The following MB21D2 variants were observed in gnomAD, a reference collection of about 807,000 sequenced individuals.
The protein encoded by MB21D2 is nucleotidyltransferase MB21D2.
MB21D2 carries 9 observed loss-of-function variants against 33.3 expected under a neutral mutation model. The ratio of observed to expected loss-of-function variants is 0.27; its 90% confidence interval spans 0.16 to 0.47. MB21D2 has a LOEUF of 0.47. Among genes scored for constraint, MB21D2 ranks in the 20% least tolerant of loss-of-function variants. The pLI is 0.99. For synonymous variants in MB21D2, 241 were observed against 236.3 expected (o/e 1.02, Z -0.18); for missense variants, 540 against 624.6 (o/e 0.86, Z 1.44).
chr3:192,822,116 T>C (rs7621925), intron 1 of MB21D2, among the ~76,000 whole-genome samples: 54,947 of 150,774 alleles, frequency 0.36, 10,690 homozygotes, highest in East Asian at 0.61. Context: ...GGAGCTATTA[T>C]TCACAGCAAG....
At chr3:192,849,349 G>A (rs111626072) in intron 1 of MB21D2, among the ~76,000 whole-genome samples, 25 of 147,012 alleles carry the variant, frequency 1.7e-4, no homozygotes, top group African/African-American at 5.7e-4. Flanking sequence ...GTGGAGTCTC[G>A]CTCTGTTGCC....
chr3:192,877,668 T>C lies in MB21D2; in HGVS notation c.211+39962A>G, dbSNP rs145936153. Among the ~76,000 whole-genome samples the C allele has an allele frequency of 5.7e-3, 868 of 152,328 alleles. 7 individuals carry two copies. Among genetic ancestry groups the C allele is most frequent in the African/African-American group, 0.02 (826 of 41,572 alleles). On this transcript the variant is annotated intron_variant, in intron 1 of 1. Coordinates refer to ENST00000392452, the MANE Select transcript of MB21D2 (RefSeq NM_178496.4). ...TATTTGACATATATACTGTACAACA[T>C]GTATCTGTAGTTACTCAGCTCAAGG...
At chr3:192,872,314 C>G (rs1466992423) in intron 1 of MB21D2, among the ~76,000 whole-genome samples, 2 of 152,118 alleles carry the variant, frequency 1.3e-5, no homozygotes, top group East Asian at 3.9e-4. Context: ...CGGGGGCTCA[C>G]AACTGTAATC....
chr3:192,865,284 G>A (rs1243984033), intron 1 of MB21D2, among the ~76,000 whole-genome samples: 2 of 152,360 alleles, frequency 1.3e-5, no homozygotes, highest in East Asian at 1.9e-4. Context: ...GCTGGAAGGA[G>A]GCTCAGAGGT....
chr3:192,890,822 G>A (rs1713837329), intron 1 of MB21D2, among the ~76,000 whole-genome samples: 1 of 152,034 alleles, frequency 6.6e-6, no homozygotes, highest in Admixed American at 6.5e-5. Context: ...ATTGATATAA[G>A]ATGTACGTGC....
At chr3:192,849,622 G>A (rs62293205) in intron 1 of MB21D2, among the ~76,000 whole-genome samples, 2 of 152,056 alleles carry the variant, frequency 1.3e-5, no homozygotes, top group East Asian at 1.9e-4. Flanking sequence ...GGCTGTCACC[G>A]TCTTACTTTA....
chr3:192,816,474 T>G (rs1711927316), intron 1 of MB21D2, among the ~76,000 whole-genome samples: 1 of 152,180 alleles, frequency 6.6e-6, no homozygotes, highest in Non-Finnish European at 1.5e-5. Context: ...GGTCATGCCT[T>G]CCTAATTTTT....
At chr3:192,831,241 A>C (rs1448824766) in intron 1 of MB21D2, among the ~76,000 whole-genome samples, 5 of 152,150 alleles carry the variant, frequency 3.3e-5, no homozygotes, top group African/African-American at 1.2e-4. Context: ...GGATGAGCCG[A>C]GGCCTCCCAA....
intron 1 of MB21D2, among the ~76,000 whole-genome samples, chr3:192,840,601 T>C (rs989145095): frequency 1.3e-5 from 2 of 152,160 alleles, no homozygotes; most frequent in Non-Finnish European, 1.5e-5. Flanking sequence ...TGAGGCGCTA[T>C]GGTAGAAAGT....
chr3:192,831,814 A>G (rs894151376), intron 1 of MB21D2, among the ~76,000 whole-genome samples: 3 of 152,260 alleles, frequency 2.0e-5, no homozygotes, highest in African/African-American at 7.2e-5. Flanking sequence ...GATCAATGGA[A>G]TAACAGATGA....
At chr3:192,815,799 T>A (rs1274990517) in intron 1 of MB21D2, among the ~76,000 whole-genome samples, 1 of 152,212 alleles carries the variant, frequency 6.6e-6, no homozygotes, top group East Asian at 1.9e-4. Context: ...TTTCTGCTAT[T>A]TTTTCAGGGC....
At position 192,844,522 on chromosome 3, in the gene MB21D2, G is replaced by C. The variant is rs142903214; in HGVS notation, c.212-44872C>G. On this transcript the variant is annotated intron_variant, in intron 1 of 1. Transcript: ENST00000392452. Reference sequence around the variant, plus strand: ...CCAACTTATAAGTAAATGAGCAGATGCAAAAGCTTAAAACGTAATCCAAAG... The same window carrying C: ...CCAACTTATAAGTAAATGAGCAGATCCAAAAGCTTAAAACGTAATCCAAAG... 7.5e-3 allele frequency among the ~76,000 whole-genome samples: 1,138 copies of C among 152,292 alleles called. 12 individuals are homozygous for C. The highest frequency in any genetic ancestry group is 0.027 in the African/African-American group (1,102 of 41,566).
At chr3:192,895,970 TTC>T (rs1713963617) in intron 1 of MB21D2, among the ~76,000 whole-genome samples, 1 of 152,166 alleles carries the variant, frequency 6.6e-6, no homozygotes, top group Admixed American at 6.5e-5. Context: ...TTTATGCTAC[TTC>T]TCTTTTTACA....
intron 1 of MB21D2, among the ~76,000 whole-genome samples, chr3:192,862,189 C>A (rs1713059585): frequency 6.6e-6 from 1 of 152,218 alleles, no homozygotes; most frequent in Non-Finnish European, 1.5e-5. Flanking sequence ...CTTACCACAC[C>A]TGTTTCAACC....
chr3:192,874,040 T>C (rs1159228784), intron 1 of MB21D2, among the ~76,000 whole-genome samples: 2 of 152,156 alleles, frequency 1.3e-5, no homozygotes, highest in Admixed American at 6.5e-5. Context: ...AAAGTACTTT[T>C]AAAAATGTCT....
chr3:192,803,408 C>A (rs1023009930), intron 1 of MB21D2, among the ~76,000 whole-genome samples: 1 of 152,096 alleles, frequency 6.6e-6, no homozygotes, highest in Admixed American at 6.5e-5. Context: ...AAGAGTATTG[C>A]AGACACACAT....
intron 1 of MB21D2, among the ~76,000 whole-genome samples, chr3:192,877,320 CA>C (rs1336251582): frequency 2.0e-5 from 3 of 152,068 alleles, no homozygotes; most frequent in Non-Finnish European, 4.4e-5. Flanking sequence ...AAACCAAAAA[CA>C]AAAAAGTTCA....
At chr3:192,878,897 G>A (rs1345651653) in intron 1 of MB21D2, among the ~76,000 whole-genome samples, 1 of 152,194 alleles carries the variant, frequency 6.6e-6, no homozygotes, top group Admixed American at 6.5e-5. Context: ...CCGGGATGTG[G>A]GGTTTGCAGT....
chr3:192,904,154 T>C (rs968058426), intron 1 of MB21D2, among the ~76,000 whole-genome samples: 1 of 152,158 alleles, frequency 6.6e-6, no homozygotes, highest in Admixed American at 6.5e-5. Context: ...TTAGTGTGGT[T>C]ATTATTATTT....
Sources: allele counts gnomAD v4.1 joint callset (sites outside exome capture counted in the v4.1 genomes callset), GRCh38; gene constraint gnomAD v4.1.1; transcripts MANE v1.5; gene names NCBI Gene and HGNC (gene_info 2026-07-23, HGNC 2026-07-21).